Variants in BATF observed in about 807,000 individuals in gnomAD.
BATF encodes basic leucine zipper ATF-like transcription factor, also known as basic leucine zipper transcriptional factor ATF-like.
In BATF, 5 loss-of-function variants were observed where a neutral mutation model predicts 13.7. The ratio of observed to expected loss-of-function variants is 0.36; its 90% CI spans 0.19 to 0.77. BATF has a LOEUF of 0.77. BATF is among the 30% of genes least tolerant of loss of function. The pLI, the probability that BATF is intolerant of heterozygous loss-of-function variation, is 0.51. For synonymous variants in BATF, 72 were observed against 67.5 expected (o/e 1.07, Z -0.33); for missense variants, 124 against 163.0 (o/e 0.76, Z 1.30).
At chr14:75,523,802 C>A (rs182246100) in intron 1 of BATF, among the ~76,000 whole-genome samples, 1 of 152,106 alleles carries the variant, frequency 6.6e-6, no homozygotes, top group East Asian at 1.9e-4. Context: ...CCTCTAATAA[C>A]GGAGCAGCAG....
rs756620195 is a variant in BATF at position 75,522,733 on chromosome 14, C to G, written c.51C>G (p.Pro17=). The G allele has an allele frequency of 6.2e-7, 1 of 1,614,202 alleles. No homozygotes were observed. Among genetic ancestry groups the G allele is most frequent in the African/African-American group, 1.3e-5 (1 of 75,056 alleles). The stretch of plus-strand genomic sequence containing the variant: ...ACTCCAGCTTCAGCCGCTCTCCTCC[C>G]CCTGGCAAACAGGTAGAGTCCTCCT... ...SSDSSFSRSP[P]PGKQDSSDDV... Residue 17 remains proline, a synonymous_variant, in exon 1 of 3, where the codon CCC becomes CCG. Transcript: ENST00000286639.
At chr14:75,528,440 G>A (rs528144087) in intron 2 of BATF, among the ~76,000 whole-genome samples, 2 of 152,284 alleles carry the variant, frequency 1.3e-5, no homozygotes, top group Admixed American at 1.3e-4. Context: ...ACTGTACATC[G>A]ATTGCTTTAA....
rs950186035 is a variant in BATF at position 75,534,150 on chromosome 14, G to T, written c.168+8962G>T. 5.3e-5 allele frequency among the ~76,000 whole-genome samples: 8 copies of T among 152,204 alleles called. No individual in the cohort carries two copies. In the East Asian group the frequency reaches 1.5e-3, roughly 29 times the overall value. On this transcript the variant is annotated intron_variant, in intron 2 of 2. Transcript: ENST00000286639. ...TAAAGTTGTAATCCAAAATTAGAAA[G>T]GGCAGTGACATATTGGGGAAAATAT...
intron 2 of BATF, among the ~76,000 whole-genome samples, chr14:75,536,559 C>T (rs1219620362): frequency 6.6e-6 from 1 of 151,766 alleles, no homozygotes; most frequent in East Asian, 1.9e-4. Flanking sequence ...AACCCCATCT[C>T]TACAAAAAAA....
chr14:75,524,048 G>A (rs1160357684), intron 1 of BATF, among the ~76,000 whole-genome samples: 1 of 152,184 alleles, frequency 6.6e-6, no homozygotes, highest in East Asian at 1.9e-4. Context: ...ATGTTGGTGA[G>A]CCCAGTACTT....
At chr14:75,538,782 T>G (rs2140040469) in intron 2 of BATF, among the ~76,000 whole-genome samples, 1 of 152,238 alleles carries the variant, frequency 6.6e-6, no homozygotes, top group African/African-American at 2.4e-5. Context: ...GTGCCCGTAG[T>G]CCCAGCTACT....
chr14:75,538,218 TC>T (rs1566768463), intron 2 of BATF, among the ~76,000 whole-genome samples: 1 of 152,196 alleles, frequency 6.6e-6, no homozygotes, highest in African/African-American at 2.4e-5. Context: ...CAAAGAAGCC[TC>T]CCAAAGTGCT....
intron 2 of BATF, among the ~76,000 whole-genome samples, chr14:75,537,789 A>G (rs1887839749): frequency 6.6e-6 from 1 of 151,918 alleles, no homozygotes; most frequent in Non-Finnish European, 1.5e-5. Flanking sequence ...ATTATACTAT[A>G]AATGATAAAA....
At chr14:75,532,743 T>C (rs1887756235) in intron 2 of BATF, among the ~76,000 whole-genome samples, 1 of 152,242 alleles carries the variant, frequency 6.6e-6, no homozygotes, top group Admixed American at 6.5e-5. Flanking sequence ...CTAAAAATGA[T>C]TATGTAGATC....
intron 2 of BATF, among the ~76,000 whole-genome samples, chr14:75,525,434 G>C (rs1403210011): frequency 2.6e-5 from 4 of 151,882 alleles, no homozygotes; most frequent in Admixed American, 2.6e-4. Flanking sequence ...AGGCCAAGGC[G>C]GGTGGGTCAC....
intron 2 of BATF, 109 bp downstream of exon 2, chr14:75,525,297 T>C (rs960787494): frequency 2.5e-6 from 3 of 1,195,228 alleles, no homozygotes; most frequent in Non-Finnish European, 3.6e-6. Context: ...GATGTGTATG[T>C]GGGGTGGGTT....
At position 75,522,657 on chromosome 14, in the gene BATF, G is replaced by C. The variant is rs781523695; in HGVS notation, c.-26G>C. ...AGAGCCCAGAGGTGCCTGGGGCTGA[G>C]TGTGAGAGCCCGGAAGATTTCAGCC... On this transcript the variant is annotated 5_prime_UTR_variant, in exon 1 of 3. Coordinates refer to ENST00000286639, the MANE Select transcript of BATF (RefSeq NM_006399.5). 2 of 1,614,120 alleles carry C rather than the reference G, an allele frequency of 1.2e-6. No individual in the cohort carries two copies. The highest frequency in any genetic ancestry group is 1.7e-6 in the Non-Finnish European group (2 of 1,179,978).
chr14:75,543,268 G>C (rs1436688309), intron 2 of BATF, among the ~76,000 whole-genome samples: 4 of 152,206 alleles, frequency 2.6e-5, no homozygotes, highest in Non-Finnish European at 1.5e-5. Context: ...CATCATCGTG[G>C]CTCTTGATAA....
Position 75,546,765 on chromosome 14 carries a change from C to A in BATF, c.*94C>A. ...GCAGAGGCCCCTGTCCACCTGGAGA[C>A]CCGGAGACAGAGGCCTGGACAAGGA... On this transcript the variant is annotated 3_prime_UTR_variant, in exon 3 of 3. Transcript: ENST00000286639. The A allele has an allele frequency of 7.2e-7, 1 of 1,398,488 alleles. No homozygotes were observed. The highest frequency in any genetic ancestry group is 9.6e-7 in the Non-Finnish European group (1 of 1,040,464). The allele number at this position is 1,398,488 out of a possible 1,614,324, so 86.6% of individuals were successfully genotyped here. A position where few individuals can be genotyped will look rare whatever the true frequency, so the allele number is the denominator to read the frequency against.
At chr14:75,526,799 T>C (rs1484295384) in intron 2 of BATF, among the ~76,000 whole-genome samples, 1 of 152,236 alleles carries the variant, frequency 6.6e-6, no homozygotes, top group East Asian at 1.9e-4. Flanking sequence ...CACCTTAAGC[T>C]TGAACATCTA....
chr14:75,530,020 C>T (rs993179913), intron 2 of BATF, among the ~76,000 whole-genome samples: 2 of 146,452 alleles, frequency 1.4e-5, no homozygotes, highest in African/African-American at 5.1e-5. Flanking sequence ...ACCAAGATAG[C>T]GCCACTGCAC....
chr14:75,523,633 C>A (rs1051576741), intron 1 of BATF, among the ~76,000 whole-genome samples: 1 of 152,180 alleles, frequency 6.6e-6, no homozygotes, highest in African/African-American at 2.4e-5. Context: ...AGGAAGCCCT[C>A]CTCTTTCTCA....
intron 2 of BATF, among the ~76,000 whole-genome samples, chr14:75,527,063 A>G (rs1457453560): frequency 6.6e-6 from 1 of 152,210 alleles, no homozygotes; most frequent in Admixed American, 6.5e-5. Context: ...TCTGTGTGAC[A>G]GAGACGTTCT....
rs781523695 is a variant in BATF at position 75,522,657 on chromosome 14, G to T, written c.-26G>T. 6.2e-7 allele frequency: 1 copy of T among 1,614,120 alleles called. No homozygotes were observed. The highest frequency in any genetic ancestry group is 1.1e-5 in the South Asian group (1 of 91,084). ...AGAGCCCAGAGGTGCCTGGGGCTGA[G>T]TGTGAGAGCCCGGAAGATTTCAGCC... is the stretch of plus-strand genomic sequence containing the variant. On this transcript the variant is annotated 5_prime_UTR_variant, in exon 1 of 3. Transcript: ENST00000286639.
Sources: allele counts gnomAD v4.1 joint callset (sites outside exome capture counted in the v4.1 genomes callset), GRCh38; gene constraint gnomAD v4.1.1; transcripts MANE v1.5; gene names NCBI Gene and HGNC (gene_info 2026-07-23, HGNC 2026-07-21).